Variants in MAP3K5 observed in about 807,000 individuals in gnomAD.
MAP3K5 encodes the protein mitogen-activated protein kinase kinase kinase 5, also known as ASK-1.
Under a neutral mutation model 158.7 loss-of-function variants are expected in MAP3K5, and 56 were observed. The ratio of observed to expected loss-of-function variants is 0.35; its 90% CI spans 0.28 to 0.44. MAP3K5 has a LOEUF of 0.44. Among genes scored for constraint, MAP3K5 ranks in the 20% least tolerant of loss-of-function variants. The pLI is 1.00. For synonymous variants in MAP3K5, 579 were observed against 601.7 expected, an observed-to-expected ratio of 0.96 and a Z score of 0.55; for missense variants, 1,294 against 1,674.8, an observed-to-expected ratio of 0.77 and a Z score of 3.97.
chr6:136,780,505 T>G (rs552671586), intron 1 of MAP3K5, among the ~76,000 whole-genome samples: 3 of 152,198 alleles, frequency 2.0e-5, no homozygotes, highest in East Asian at 1.9e-4. Context: ...AATTCAATAT[T>G]TGGCATATGT....
intron 23 of MAP3K5, among the ~76,000 whole-genome samples, chr6:136,591,065 G>A (rs1405404548): frequency 6.6e-6 from 1 of 152,114 alleles, no homozygotes; most frequent in African/African-American, 2.4e-5. Context: ...TTTACAAATG[G>A]GAATTCCCCT....
chr6:136,696,742 A>G (rs1168238439), intron 5 of MAP3K5, among the ~76,000 whole-genome samples: 1 of 152,220 alleles, frequency 6.6e-6, no homozygotes, highest in Non-Finnish European at 1.5e-5. Context: ...TTTACATTAC[A>G]TATTTTTAAA....
intron 6 of MAP3K5, among the ~76,000 whole-genome samples, chr6:136,695,321 T>G (rs1780556989): frequency 6.6e-6 from 1 of 152,116 alleles, no homozygotes; most frequent in South Asian, 2.1e-4. Context: ...TGTATTTTAG[T>G]AGAGACGGGG....
intron 8 of MAP3K5, among the ~76,000 whole-genome samples, chr6:136,662,931 G>A (rs1002373356): frequency 6.6e-6 from 1 of 152,256 alleles, no homozygotes; most frequent in African/African-American, 2.4e-5. Context: ...TGCTGACAAT[G>A]CTGTCATTAA....
intron 2 of MAP3K5, among the ~76,000 whole-genome samples, chr6:136,719,648 A>C (rs1781669495): frequency 6.6e-6 from 1 of 152,210 alleles, no homozygotes; most frequent in Non-Finnish European, 1.5e-5. Flanking sequence ...ACAATTGCTA[A>C]GTCATTAGTA....
chr6:136,618,802 G>C (rs1776677974), intron 15 of MAP3K5, among the ~76,000 whole-genome samples: 1 of 152,130 alleles, frequency 6.6e-6, no homozygotes, highest in Non-Finnish European at 1.5e-5. Flanking sequence ...TTAACTAAGA[G>C]GAAACTCTGG....
chr6:136,669,309 T>C lies in MAP3K5; in HGVS notation c.1340A>G (p.Glu447Gly). Residue 447 changes from glutamate (E) to glycine (G), a missense_variant, in exon 8 of 30, where the codon GAA (glutamate) becomes GGA (glycine). Physicochemically the swap from Glu to Gly is moderately conservative, Grantham distance 98. Coordinates refer to ENST00000359015, the MANE Select transcript of MAP3K5 (RefSeq NM_005923.4). The stretch of plus-strand genomic sequence containing the variant: ...AACTTTCCGGAGCTCAAAGGAAGAT[T>C]CAAACTGGTGTCCAGCTGCCAGGAG... ...VLLLAAGHQF[E>G]SSFELRKVGV... 2 of 1,613,664 alleles carry C rather than the reference T, an allele frequency of 1.2e-6. No homozygotes were observed. The highest frequency in any genetic ancestry group is 2.2e-5 in the South Asian group (2 of 91,042).
At chr6:136,576,244 T>G (rs1236988448) in intron 25 of MAP3K5, among the ~76,000 whole-genome samples, 1 of 152,216 alleles carries the variant, frequency 6.6e-6, no homozygotes, top group African/African-American at 2.4e-5. Context: ...TTGGCTCTAG[T>G]GTCCTTTCAA....
At chr6:136,735,512 T>C (rs535412415) in intron 1 of MAP3K5, among the ~76,000 whole-genome samples, 1 of 152,056 alleles carries the variant, frequency 6.6e-6, no homozygotes, top group East Asian at 1.9e-4. Context: ...GTGTTAGGAG[T>C]CCTTATCTTT....
At chr6:136,561,854 T>C (rs982522191) in intron 27 of MAP3K5, among the ~76,000 whole-genome samples, 34 of 152,204 alleles carry the variant, frequency 2.2e-4, no homozygotes, top group Admixed American at 7.2e-4. Flanking sequence ...GCAAAAGCAA[T>C]AATGAAATGA....
At position 136,691,175 on chromosome 6, in the gene MAP3K5, G is replaced by A. The variant is rs80266795; in HGVS notation, c.1253+2965C>T. 6.1e-3 allele frequency among the ~76,000 whole-genome samples: 924 copies of A among 152,114 alleles called. 10 individuals carry two copies. Among genetic ancestry groups the A allele is most frequent in the African/African-American group, 0.021 (886 of 41,504 alleles). On this transcript the variant is annotated intron_variant, in intron 7 of 29. Transcript: ENST00000359015. ...TTGATATTTATGCTCCTTGGGTTTT[G>A]CTGAGCTTCCTAGATCTGTGAGCTG...
At chr6:136,784,572 A>G (rs1784760958) in intron 1 of MAP3K5, among the ~76,000 whole-genome samples, 3 of 152,084 alleles carry the variant, frequency 2.0e-5, no homozygotes, top group South Asian at 4.1e-4. Context: ...TTATGAGTTT[A>G]TCTACGTTTG....
intron 6 of MAP3K5, 32 bp from the exon 7 acceptor site, chr6:136,694,342 C>T (rs777612161): frequency 1.3e-6 from 2 of 1,560,484 alleles, no homozygotes; most frequent in Non-Finnish European, 1.7e-6. Flanking sequence ...TTTCAATATA[C>T]ATTACAGAAG....
At chr6:136,608,007 G>A (rs1461376020) in intron 18 of MAP3K5, among the ~76,000 whole-genome samples, 1 of 152,120 alleles carries the variant, frequency 6.6e-6, no homozygotes, top group Non-Finnish European at 1.5e-5. Flanking sequence ...CTGCAGAGGT[G>A]GACATCTGCG....
rs1044265685 is a variant in MAP3K5 at position 136,609,345 on chromosome 6, T to C, written c.2521+1937A>G. Reference sequence around the variant, plus strand: ...TAATTCTGTACCCTAAAATATCCATTGCCCTGAGGTGGGAGCTGGGCCAGG... The same window carrying C: ...TAATTCTGTACCCTAAAATATCCATCGCCCTGAGGTGGGAGCTGGGCCAGG... On this transcript the variant is annotated intron_variant, in intron 18 of 29. Transcript: ENST00000359015. This position sits in a 1 kb window ranked among gnomAD's most constrained non-coding sequence, Gnocchi z 4.4. 6.6e-6 allele frequency among the ~76,000 whole-genome samples: 1 copy of C among 152,158 alleles called. No homozygotes were observed. Among genetic ancestry groups the C allele is most frequent in the African/African-American group, 2.4e-5 (1 of 41,414 alleles).
chr6:136,621,491 T>TCACCTA (rs1776799234), intron 15 of MAP3K5, among the ~76,000 whole-genome samples: 1 of 152,206 alleles, frequency 6.6e-6, no homozygotes, highest in East Asian at 1.9e-4. Context: ...TATAGAAAGG[T>TCACCTA]GGACATGATA....
intron 1 of MAP3K5, among the ~76,000 whole-genome samples, chr6:136,790,912 A>G (rs1374219845): frequency 6.6e-6 from 1 of 152,232 alleles, no homozygotes; most frequent in African/African-American, 2.4e-5. Flanking sequence ...AGATAGGTTG[A>G]AAGATACATT....
chr6:136,615,600 A>C (rs1051873012), intron 15 of MAP3K5, among the ~76,000 whole-genome samples: 1 of 152,206 alleles, frequency 6.6e-6, no homozygotes, highest in Non-Finnish European at 1.5e-5. Flanking sequence ...GTTGGAGCCT[A>C]GTGCAGGAGC....
At chr6:136,701,929 A>G (rs1780870864) in intron 3 of MAP3K5, among the ~76,000 whole-genome samples, 1 of 152,214 alleles carries the variant, frequency 6.6e-6, no homozygotes, top group Non-Finnish European at 1.5e-5. Context: ...GCAATGGGGA[A>G]TACTGCACCT....
Sources: allele counts gnomAD v4.1 joint callset (sites outside exome capture counted in the v4.1 genomes callset), GRCh38; gene constraint gnomAD v4.1.1; non-coding constraint Gnocchi (gnomAD v3.1); transcripts MANE v1.5; gene names NCBI Gene and HGNC (gene_info 2026-07-23, HGNC 2026-07-21).